EFCAB11: variants seen among roughly 807,000 people sequenced by gnomAD.
The protein encoded by EFCAB11 is EF-hand calcium-binding domain-containing protein 11.
In EFCAB11, 14 loss-of-function variants were observed where a neutral mutation model predicts 23.0. The observed-to-expected ratio is 0.61, with a 90% CI of 0.40 to 0.95. EFCAB11 has a LOEUF of 0.95. EFCAB11 is among the 40% of genes least tolerant of loss of function. The pLI is 0.00. For missense variants in EFCAB11, 198 were observed against 195.8 expected (o/e 1.01, Z -0.07); for synonymous variants, 65 against 66.6 (o/e 0.98, Z 0.11).
At chr14:89,834,980 C>T (rs186244712) in intron 5 of EFCAB11, among the ~76,000 whole-genome samples, 199 of 152,266 alleles carry the variant, frequency 1.3e-3, no homozygotes, top group Non-Finnish European at 2.4e-3. Context: ...AGAAAGTTAG[C>T]CATCATCCCC....
rs190388119 is a variant in EFCAB11, at chr14:89,841,926, G to A, written c.411-44602C>T. 1.5e-4 allele frequency among the ~76,000 whole-genome samples: 23 copies of A among 152,054 alleles called. 1 individual carries two copies. Among genetic ancestry groups the A allele is most frequent in the African/African-American group, 5.5e-4 (23 of 41,460 alleles). On this transcript the variant is annotated intron_variant, in intron 5 of 5. Coordinates refer to ENST00000316738, the MANE Select transcript of EFCAB11 (RefSeq NM_145231.4). ...TTTCTGAGCTTCAGAACAACGCATC[G>A]GAGTGCTGACCGGGCAGCTCCTCCT...
intron 3 of EFCAB11, among the ~76,000 whole-genome samples, chr14:89,948,815 G>A (rs1891063232): frequency 6.6e-6 from 1 of 151,964 alleles, no homozygotes; most frequent in South Asian, 2.1e-4. Flanking sequence ...AAAGTAGAAG[G>A]ATGGTTACCA....
intron 5 of EFCAB11, among the ~76,000 whole-genome samples, chr14:89,850,888 T>C (rs1887582525): frequency 6.6e-6 from 1 of 152,176 alleles, no homozygotes; most frequent in Admixed American, 6.5e-5. Flanking sequence ...TGTATTATAA[T>C]TCCTAATTTT....
chr14:89,825,388 G>T (rs900711166), intron 5 of EFCAB11, among the ~76,000 whole-genome samples: 1 of 151,972 alleles, frequency 6.6e-6, no homozygotes, highest in Admixed American at 6.6e-5. Flanking sequence ...CATTTGAAAA[G>T]ACTAAAATCA....
intron 5 of EFCAB11, among the ~76,000 whole-genome samples, chr14:89,854,335 G>C (rs372083338): frequency 6.6e-6 from 1 of 152,188 alleles, no homozygotes; most frequent in Admixed American, 6.5e-5. Context: ...AGAGGTGCCC[G>C]CATCCTACAT....
chr14:89,900,764 C>A (rs1381812726), intron 5 of EFCAB11, among the ~76,000 whole-genome samples: 1 of 152,172 alleles, frequency 6.6e-6, no homozygotes, highest in Non-Finnish European at 1.5e-5. Context: ...TTAATATCAG[C>A]AAATCACAGA....
intron 5 of EFCAB11, 39 bp from the exon 6 acceptor site, chr14:89,797,363 C>T (rs759924335): frequency 1.9e-5 from 30 of 1,568,766 alleles, no homozygotes; most frequent in Non-Finnish European, 2.5e-5. Context: ...ACATTATTCT[C>T]GTTAACACCT....
At chr14:89,836,161 G>A (rs1018414926) in intron 5 of EFCAB11, among the ~76,000 whole-genome samples, 1 of 151,158 alleles carries the variant, frequency 6.6e-6, no homozygotes, top group African/African-American at 2.4e-5. Context: ...GATGGTCAAG[G>A]GACTACAGGT....
At chr14:89,932,724 T>G (rs1438545482) in intron 3 of EFCAB11, 97 bp from the exon 4 acceptor site, 1 of 939,874 alleles carries the variant, frequency 1.1e-6, no homozygotes, top group Admixed American at 2.3e-5. Context: ...TCACCAATAA[T>G]CAAATTTTAT....
At chr14:89,804,111 A>T (rs1885882361) in intron 5 of EFCAB11, among the ~76,000 whole-genome samples, 1 of 152,304 alleles carries the variant, frequency 6.6e-6, no homozygotes, top group Admixed American at 6.5e-5. Flanking sequence ...GCCTCACCCG[A>T]GCCAGTAGCA....
At chr14:89,844,335 T>C (rs1766164495) in intron 5 of EFCAB11, among the ~76,000 whole-genome samples, 1 of 152,248 alleles carries the variant, frequency 6.6e-6, no homozygotes, top group South Asian at 2.1e-4. Context: ...ATGAATACAG[T>C]GATTACGACT....
chr14:89,921,707 T>A (rs1214205484), intron 5 of EFCAB11, among the ~76,000 whole-genome samples: 1 of 152,202 alleles, frequency 6.6e-6, no homozygotes, highest in African/African-American at 2.4e-5. Flanking sequence ...AACAAACTCA[T>A]AGGTTGCTGT....
intron 5 of EFCAB11, among the ~76,000 whole-genome samples, chr14:89,885,308 C>T (rs991071451): frequency 1.3e-5 from 2 of 152,170 alleles, no homozygotes; most frequent in Non-Finnish European, 2.9e-5. Context: ...TATTCATGCA[C>T]TGGAAGACTT....
At chr14:89,890,166 A>G (rs945357377) in intron 5 of EFCAB11, among the ~76,000 whole-genome samples, 46 of 152,298 alleles carry the variant, frequency 3.0e-4, no homozygotes, top group Admixed American at 3.0e-3. Flanking sequence ...AAACAGAAAC[A>G]CTGCATGATT....
At chr14:89,923,075 A>G (rs1183203813) in intron 5 of EFCAB11, among the ~76,000 whole-genome samples, 1 of 152,326 alleles carries the variant, frequency 6.6e-6, no homozygotes, top group African/African-American at 2.4e-5. Context: ...AGCTTAAATG[A>G]AGAAACCAAA....
chr14:89,820,808 T>A (rs960478625), intron 5 of EFCAB11, among the ~76,000 whole-genome samples: 1 of 152,142 alleles, frequency 6.6e-6, no homozygotes, highest in African/African-American at 2.4e-5. Context: ...TTGGCTAGGC[T>A]ATGATGCCCA....
intron 3 of EFCAB11, among the ~76,000 whole-genome samples, chr14:89,943,762 G>A (rs867337830): frequency 1.3e-5 from 2 of 152,260 alleles, no homozygotes; most frequent in South Asian, 4.1e-4. Context: ...GAGTACAGCA[G>A]TGATTTCTTG....
At chr14:89,935,651 G>C (rs1307057918) in intron 3 of EFCAB11, among the ~76,000 whole-genome samples, 1 of 152,230 alleles carries the variant, frequency 6.6e-6, no homozygotes, top group African/African-American at 2.4e-5. Flanking sequence ...AAGGTGGGCA[G>C]AGAGGTTGAG....
chr14:89,870,767 TAAAA>T (rs56920547), intron 5 of EFCAB11, among the ~76,000 whole-genome samples: 2 of 102,952 alleles, frequency 1.9e-5, no homozygotes, highest in African/African-American at 3.6e-5. Context: ...TCATCTCTAC[TAAAA>T]AAAAAAAAAA....
Sources: gnomAD v4.1 joint callset for allele counts (sites outside exome capture counted in the v4.1 genomes callset) on GRCh38, gnomAD v4.1.1 for gene constraint, MANE v1.5 for transcripts, NCBI Gene and HGNC (gene_info 2026-07-23, HGNC 2026-07-21) for gene names.